Variants in LRRC4C observed in about 807,000 individuals in gnomAD.
The protein encoded by LRRC4C is leucine rich repeat containing 4C.
Under a neutral mutation model 33.6 loss-of-function variants are expected in LRRC4C, and 5 were observed. That is an observed-to-expected ratio of 0.15 (90% CI 0.08 to 0.31). The LOEUF (loss-of-function observed/expected upper bound fraction) is 0.31. Among genes scored for constraint, LRRC4C ranks in the 10% least tolerant of loss-of-function variants. The probability of loss-of-function intolerance (pLI) is 1.00; values close to 1 mark genes in which losing one functional copy is unlikely to be tolerated. For missense variants in LRRC4C, 560 were observed against 796.7 expected, an observed-to-expected ratio of 0.70 and a Z score of 3.58; for synonymous variants, 329 against 302.0, an observed-to-expected ratio of 1.09 and a Z score of -0.93.
At chr11:41,319,148 A>G (rs1950881055) in intron 1 of LRRC4C, among the ~76,000 whole-genome samples, 2 of 152,290 alleles carry the variant, frequency 1.3e-5, no homozygotes, top group South Asian at 4.1e-4. Flanking sequence ...AAGCCACATG[A>G]TGCCACATGG....
chr11:40,450,798 C>T (rs1025878507), intron 3 of LRRC4C, among the ~76,000 whole-genome samples: 12 of 149,114 alleles, frequency 8.0e-5, no homozygotes, highest in East Asian at 5.9e-4. Context: ...AAAAGAACTG[C>T]GCATATAAAG....
Position 41,037,721 on chromosome 11 carries a change from A to T in LRRC4C, c.-495-103998T>A, listed in dbSNP as rs1474435621. Among the ~76,000 whole-genome samples, 7 of 152,296 alleles carry T rather than the reference A, an allele frequency of 4.6e-5. No homozygotes were observed. The East Asian group carries it at 1.4e-3, about 29-fold the overall frequency. Reference sequence around the variant, plus strand: ...ACTTAGAAAAGCTAAATTGCTCAAGATAACACATATAGTAGGTGAGTGGAC... The same window carrying T: ...ACTTAGAAAAGCTAAATTGCTCAAGTTAACACATATAGTAGGTGAGTGGAC... On this transcript the variant is annotated intron_variant, in intron 1 of 6. Transcript: ENST00000528697.
intron 1 of LRRC4C, among the ~76,000 whole-genome samples, chr11:41,372,338 C>T (rs1367084598): frequency 6.6e-6 from 1 of 152,156 alleles, no homozygotes; most frequent in Non-Finnish European, 1.5e-5. Context: ...TTATTTATTC[C>T]TCAATACAGC....
chr11:40,502,391 G>C (rs1050167572), intron 3 of LRRC4C, among the ~76,000 whole-genome samples: 1 of 152,116 alleles, frequency 6.6e-6, no homozygotes, highest in African/African-American at 2.4e-5. Context: ...TGCTGATAAA[G>C]ACATACTGGA....
intron 4 of LRRC4C, among the ~76,000 whole-genome samples, chr11:40,254,517 C>T (rs1317079476): frequency 6.6e-6 from 1 of 152,156 alleles, no homozygotes; most frequent in Non-Finnish European, 1.5e-5. Flanking sequence ...ATTGTTATTG[C>T]TATTGTGATG....
rs78855218 is a variant in LRRC4C, at chr11:41,364,584, A to T, written c.-496+94847T>A. Among the ~76,000 whole-genome samples, 567 of 152,248 alleles carry T rather than the reference A, an allele frequency of 3.7e-3. 3 individuals carry two copies. The highest frequency in any genetic ancestry group is 0.013 in the African/African-American group (527 of 41,550). ...AGCCACTGTGCAGAACACACATAAGAGTATGATTGATCGTCAAATGCAATA... is the reference window on the plus strand; with the variant it reads ...AGCCACTGTGCAGAACACACATAAGTGTATGATTGATCGTCAAATGCAATA... On this transcript the variant is annotated intron_variant, in intron 1 of 6. Transcript: ENST00000528697.
chr11:41,258,165 G>C (rs1948863426), intron 1 of LRRC4C, among the ~76,000 whole-genome samples: 1 of 151,996 alleles, frequency 6.6e-6, no homozygotes, highest in East Asian at 1.9e-4. Flanking sequence ...GCTTTAACCG[G>C]AGTATGCAGA....
intron 3 of LRRC4C, among the ~76,000 whole-genome samples, chr11:40,533,954 G>T (rs550383348): frequency 2.2e-4 from 34 of 152,256 alleles, no homozygotes; most frequent in African/African-American, 7.9e-4. Flanking sequence ...TGTGCATATA[G>T]ACATTGCCCA....
At chr11:40,415,926 A>G (rs896094641) in intron 3 of LRRC4C, among the ~76,000 whole-genome samples, 1 of 152,216 alleles carries the variant, frequency 6.6e-6, no homozygotes, top group East Asian at 1.9e-4. Context: ...TGAGCTATGA[A>G]ATAGAAATTA....
chr11:40,354,883 C>T (rs1206542583), intron 3 of LRRC4C, among the ~76,000 whole-genome samples: 1 of 152,092 alleles, frequency 6.6e-6, no homozygotes, highest in African/African-American at 2.4e-5. Context: ...TTACTCTTCC[C>T]CCTCCTTTCT....
intron 1 of LRRC4C, among the ~76,000 whole-genome samples, chr11:41,314,008 T>C (rs1950713860): frequency 6.6e-6 from 1 of 152,332 alleles, no homozygotes; most frequent in Admixed American, 6.5e-5. Flanking sequence ...GAAACACTAA[T>C]GCCTTCATAG....
At chr11:41,229,543 A>G (rs1435106040) in intron 1 of LRRC4C, among the ~76,000 whole-genome samples, 1 of 152,038 alleles carries the variant, frequency 6.6e-6, no homozygotes, top group Non-Finnish European at 1.5e-5. Flanking sequence ...GTTTTTATTA[A>G]TTTCTCAACT....
intron 1 of LRRC4C, among the ~76,000 whole-genome samples, chr11:41,109,586 A>C (rs1375735792): frequency 1.3e-5 from 2 of 152,100 alleles, no homozygotes; most frequent in Admixed American, 1.3e-4. Context: ...TACCGTCTCT[A>C]AATATCTTTT....
At chr11:41,040,096 C>A (rs574892564) in intron 1 of LRRC4C, among the ~76,000 whole-genome samples, 2 of 148,702 alleles carry the variant, frequency 1.3e-5, no homozygotes, top group African/African-American at 2.5e-5. Flanking sequence ...CGAGATCACG[C>A]CACTGCACTC....
chr11:40,582,038 A>G (rs1958491284), intron 3 of LRRC4C, among the ~76,000 whole-genome samples: 1 of 152,238 alleles, frequency 6.6e-6, no homozygotes, highest in East Asian at 1.9e-4. Flanking sequence ...TAGAAAAGTT[A>G]TAGTCCATCT....
At chr11:41,101,788 C>T (rs932651718) in intron 1 of LRRC4C, among the ~76,000 whole-genome samples, 8 of 151,958 alleles carry the variant, frequency 5.3e-5, no homozygotes, top group Non-Finnish European at 1.2e-4. Flanking sequence ...AAATGTGGTA[C>T]ATATACATCA....
At chr11:40,846,764 C>T (rs1175317845) in intron 2 of LRRC4C, among the ~76,000 whole-genome samples, 2 of 152,054 alleles carry the variant, frequency 1.3e-5, no homozygotes, top group Non-Finnish European at 2.9e-5. Context: ...GGCCATTTTC[C>T]TGATATTAAT....
intron 1 of LRRC4C, among the ~76,000 whole-genome samples, chr11:41,042,790 T>C (rs1437407950): frequency 6.6e-6 from 1 of 152,204 alleles, no homozygotes; most frequent in Non-Finnish European, 1.5e-5. Context: ...GTTAAATGTT[T>C]CTATCTTGCA....
Position 41,336,998 on chromosome 11 carries a change from G to A in LRRC4C, c.-496+122433C>T, listed in dbSNP as rs181466535. The stretch of plus-strand genomic sequence containing the variant: ...ATGACTATTCATAGCAGCAGAAGAG[G>A]AATGTACACTACCAGAAACAAGCCT... On this transcript the variant is annotated intron_variant, in intron 1 of 6. Transcript: ENST00000528697. Among the ~76,000 whole-genome samples the A allele has an allele frequency of 4.6e-5, 7 of 151,930 alleles. No homozygotes were observed. The East Asian group carries it at 1.4e-3, about 29-fold the overall frequency.
Sources: allele counts gnomAD v4.1 joint callset (sites outside exome capture counted in the v4.1 genomes callset), GRCh38; gene constraint gnomAD v4.1.1; transcripts MANE v1.5; gene names NCBI Gene and HGNC (gene_info 2026-07-23, HGNC 2026-07-21).